Variants in IL4I1 observed in about 807,000 individuals in gnomAD.
The protein encoded by IL4I1 is interleukin 4 induced 1.
IL4I1 carries 24 observed loss-of-function variants against 29.7 expected under a neutral mutation model. The ratio of observed to expected loss-of-function variants is 0.81; its 90% CI spans 0.59 to 1.14. IL4I1 has a LOEUF of 1.14. IL4I1 is among the 50% of genes most tolerant of loss of function. IL4I1 has a pLI of 0.00. For missense variants in IL4I1, 686 were observed against 785.6 expected (o/e 0.87, Z 1.52); for synonymous variants, 371 against 352.5 (o/e 1.05, Z -0.59).
intron 2 of IL4I1, chr19:49,909,488 G>C: frequency 6.2e-7 from 1 of 1,614,194 alleles, no homozygotes; most frequent in Non-Finnish European, 8.5e-7. Context: ...GTTTGCCATG[G>C]CTGGGGTGGC....
upstream of IL4I1, among the ~76,000 whole-genome samples, chr19:49,898,864 G>A (rs927605092): frequency 3.3e-5 from 5 of 152,076 alleles, no homozygotes; most frequent in African/African-American, 7.2e-5. Context: ...GTGAGACTCC[G>A]TCTCAAAAAC....
chr19:49,909,400 T>C, intron 2 of IL4I1: 1 of 1,613,634 alleles, frequency 6.2e-7, no homozygotes, highest in Non-Finnish European at 8.5e-7. Flanking sequence ...AGCCGGTGGG[T>C]GCTGTGCCCT....
In IL4I1 at chr19:49,890,616, G is replaced by T; in HGVS notation, c.774-16C>A. On this transcript the variant is annotated splice_polypyrimidine_tract_variant and intron_variant, in intron 7 of 7. Coordinates refer to ENST00000391826, the MANE Select transcript of IL4I1 (RefSeq NM_152899.2). ...GCGGCTGTACCTGCAGGCGGGGCGGGGCGGGGTGGGGGCGTGACCTGGGCT... is the reference window on the plus strand; with the variant it reads ...GCGGCTGTACCTGCAGGCGGGGCGGTGCGGGGTGGGGGCGTGACCTGGGCT... 1 of 1,492,908 alleles carries T rather than the reference G, an allele frequency of 6.7e-7. No individual in the cohort carries two copies. The highest frequency in any genetic ancestry group is 8.9e-7 in the Non-Finnish European group (1 of 1,122,766). 92.5% of individuals were successfully genotyped at this position (1,492,908 alleles called of 1,614,324 possible).
At chr19:49,914,740 T>G (rs896103508) in intron 2 of IL4I1, among the ~76,000 whole-genome samples, 1 of 126,520 alleles carries the variant, frequency 7.9e-6, no homozygotes, top group Non-Finnish European at 1.7e-5. Context: ...TTTTTTTTTT[T>G]TTTTTTTTTT....
At chr19:49,890,672 C>T in intron 7 of IL4I1, 72 bp from the exon 8 acceptor site, 1 of 1,343,676 alleles carries the variant, frequency 7.4e-7, no homozygotes, top group Non-Finnish European at 9.8e-7. Flanking sequence ...CTTGCCCCAC[C>T]CACCCCGGCA....
chr19:49,908,240 C>T, intron 2 of IL4I1: 1 of 1,613,042 alleles, frequency 6.2e-7, no homozygotes, highest in Non-Finnish European at 8.5e-7. Context: ...TGCTGTCGCT[C>T]AGTCAAAGGT....
Position 49,914,623 on chromosome 19 carries a change from C to A in IL4I1, c.-227-10302G>T, listed in dbSNP as rs756698416. On this transcript the variant is annotated intron_variant, in intron 2 of 9. Coordinates refer to the IL4I1 transcript ENST00000341114. ...CATCTGAATTCAGGTGGGCATATCC[C>A]ACCCCCATCTGTGAGAACCAGGGTT... 8.0e-4 allele frequency among the ~76,000 whole-genome samples: 122 copies of A among 152,126 alleles called. No individual in the cohort carries two copies. In the Middle Eastern group the frequency reaches 0.01, roughly 13 times the overall value.
In IL4I1 at chr19:49,889,868, G is replaced by A. The variant is rs1190182917; in HGVS notation, c.1506C>T (p.Ile502=). Residue 502 remains isoleucine, a synonymous_variant, in exon 8 of 8, where the codon ATC becomes ATT. Coordinates refer to ENST00000391826, the MANE Select transcript of IL4I1 (RefSeq NM_152899.2). ...TAVKSALRAA[I]KINSRKGPAS... ...CAGGCCCCTTCCGGCTGTTGATCTT[G>A]ATGGCGGCGCGCAGCGCCGACTTGA... 3 of 1,597,520 alleles carry A rather than the reference G, an allele frequency of 1.9e-6. No individual in the cohort carries two copies. The highest frequency in any genetic ancestry group is 1.3e-5 in the African/African-American group (1 of 74,170).
At chr19:49,927,724 T>A (rs1342797940) in exon 2 of IL4I1, 6 of 152,258 alleles carry the variant, frequency 3.9e-5, no homozygotes, top group Non-Finnish European at 8.8e-5. Flanking sequence ...CCACCTTCTC[T>A]GGACCTTGAT....
At chr19:49,893,459 G>A (rs181964907) in intron 5 of IL4I1, among the ~76,000 whole-genome samples, 3 of 152,030 alleles carry the variant, frequency 2.0e-5, no homozygotes, top group African/African-American at 2.4e-5. Context: ...TGGGGCCATC[G>A]TGAGATGGGG....
chr19:49,907,396 C>G (rs2075345658), intron 2 of IL4I1: 1 of 379,894 alleles, frequency 2.6e-6, no homozygotes, highest in Non-Finnish European at 5.0e-6. Flanking sequence ...GCAGGCCCCT[C>G]AGCTGACCTG....
chr19:49,895,196 G>A lies in IL4I1; in HGVS notation c.253-16C>T. On this transcript the variant is annotated splice_polypyrimidine_tract_variant and intron_variant, in intron 3 of 7. Transcript: ENST00000391826. ...GGATGGTGACCTGAGGGAGTCCGTG[G>A]GGCGAGGAGGGCCCTTCAGCTCCAC... 2.5e-6 allele frequency: 4 copies of A among 1,599,768 alleles called. No individual in the cohort carries two copies.
Position 49,891,072 on chromosome 19 carries a change from C to T in IL4I1, c.672G>A (p.Pro224=), listed in dbSNP as rs1375043958. ...YLLGEGNLSR[P]AVQLLGDVMS... ...TCACGTCTCCCAGAAGCTGCACGGC[C>T]GGCCGGCTCAGGTTCCCCTCCCCGA... The change falls in exon 7 of 8, where the codon CCG becomes CCA. Residue 224 remains proline, a synonymous_variant. Transcript: ENST00000391826. The T allele has an allele frequency of 5.0e-6, 8 of 1,613,494 alleles. No individual in the cohort carries two copies. Among genetic ancestry groups the T allele is most frequent in the Admixed American group, 1.7e-5 (1 of 59,960 alleles).
At chr19:49,903,830 G>GTTTTTTTTTTTTTTT (rs113175852) in intron 3 of IL4I1, among the ~76,000 whole-genome samples, 2 of 66,528 alleles carry the variant, frequency 3.0e-5, no homozygotes, top group African/African-American at 1.3e-4. Context: ...TATGTGCTGG[G>GTTTTTTTTTTTTTTT]TTTTTTTTTT....
intron 2 of IL4I1, among the ~76,000 whole-genome samples, chr19:49,922,399 G>A (rs887229864): frequency 1.3e-5 from 2 of 152,030 alleles, no homozygotes; most frequent in African/African-American, 4.8e-5. Flanking sequence ...GATTCTTTAG[G>A]CCTCCTCCTC....
chr19:49,912,166 CT>C (rs60350799), intron 2 of IL4I1, among the ~76,000 whole-genome samples: 28,671 of 114,934 alleles, frequency 0.25, 1,858 homozygotes, highest in East Asian at 0.34. Context: ...AACAGTTCAC[CT>C]TTTTTTTTTT....
chr19:49,893,399 A>T (rs138794585), intron 5 of IL4I1, among the ~76,000 whole-genome samples: 157 of 151,550 alleles, frequency 1.0e-3, no homozygotes, highest in Admixed American at 3.0e-3. Flanking sequence ...GGCGAGGAGG[A>T]GGTCAGGAGG....
At chr19:49,914,726 G>GTTTTGTTTTTTTTTTTTTTTTT (rs2075575701) in intron 2 of IL4I1, among the ~76,000 whole-genome samples, 1 of 56,362 alleles carries the variant, frequency 1.8e-5, no homozygotes. Flanking sequence ...CCAAGTCCCA[G>GTTTTGTTTTTTTTTTTTTTTTT]TTTTTTTTTT....
At chr19:49,902,487 G>A (rs998923122) in intron 3 of IL4I1, among the ~76,000 whole-genome samples, 1 of 150,908 alleles carries the variant, frequency 6.6e-6, no homozygotes, top group Non-Finnish European at 1.5e-5. Flanking sequence ...CAATGTTCAC[G>A]TTTCCTGGAA....
Sources: allele counts gnomAD v4.1 joint callset (sites outside exome capture counted in the v4.1 genomes callset), GRCh38; gene constraint gnomAD v4.1.1; transcripts MANE v1.5; gene names NCBI Gene and HGNC (gene_info 2026-07-23, HGNC 2026-07-21).